The following INO80C variants were observed in gnomAD, a reference collection of about 807,000 sequenced individuals.
INO80C encodes IES6 homolog.
A neutral mutation model predicts 17.7 loss-of-function variants in INO80C; 17 were observed. The observed-to-expected ratio is 0.96, with a 90% CI of 0.66 to 1.44. The LOEUF is 1.44. Ranked by LOEUF, INO80C falls within the 40% of genes most tolerant of loss-of-function variation. The pLI is 0.00. For missense variants in INO80C, 244 were observed against 245.0 expected, an observed-to-expected ratio of 1.00 and a Z score of 0.03; for synonymous variants, 96 against 95.8, an observed-to-expected ratio of 1.00 and a Z score of -0.01.
chr18:35,468,451 A>C lies in INO80C; in HGVS notation c.*160T>G. The C allele has an allele frequency of 2.4e-6, 3 of 1,245,310 alleles. No individual in the cohort carries two copies. The South Asian group carries it at 5.6e-5, about 23-fold the overall frequency. The allele number at this position is 1,245,310 out of a possible 1,614,324, so 77.1% of individuals were successfully genotyped here. ...CACTTGGAGGGAAAACACACACTAA[A>C]AAAAAAAAAAACCCTTAAATTAAAG... is the stretch of plus-strand genomic sequence containing the variant. On this transcript the variant is annotated 3_prime_UTR_variant, in exon 5 of 5. Transcript: ENST00000334598.
intron 4 of INO80C, among the ~76,000 whole-genome samples, chr18:35,475,422 C>T (rs984210700): frequency 6.6e-6 from 1 of 152,196 alleles, no homozygotes; most frequent in African/African-American, 2.4e-5. Flanking sequence ...AATCCCAGCA[C>T]TTTGGGAGAC....
At chr18:35,486,416 T>C (rs759871215) in intron 1 of INO80C, among the ~76,000 whole-genome samples, 1 of 152,178 alleles carries the variant, frequency 6.6e-6, no homozygotes, top group Non-Finnish European at 1.5e-5. Context: ...AACAGGAATA[T>C]CCTAAAATTA....
intron 4 of INO80C, among the ~76,000 whole-genome samples, chr18:35,471,091 T>G (rs1382404728): frequency 2.0e-5 from 3 of 152,232 alleles, no homozygotes; most frequent in Non-Finnish European, 4.4e-5. Flanking sequence ...AAGAGTCACA[T>G]GGCTGGCTAG....
chr18:35,495,211 T>A (rs564731161), intron 1 of INO80C, among the ~76,000 whole-genome samples: 1 of 152,346 alleles, frequency 6.6e-6, no homozygotes, highest in South Asian at 2.1e-4. Flanking sequence ...GGCAGATTGC[T>A]TGACCCCAGG....
intron 1 of INO80C, among the ~76,000 whole-genome samples, chr18:35,485,515 C>G (rs894386977): frequency 3.9e-5 from 6 of 152,040 alleles, no homozygotes; most frequent in Non-Finnish European, 7.4e-5. Context: ...AGTGCACACT[C>G]ACTAGGATGG....
chr18:35,474,160 C>CATAT (rs34417349), intron 4 of INO80C, among the ~76,000 whole-genome samples: 60 of 101,852 alleles, frequency 5.9e-4, no homozygotes, highest in African/African-American at 2.1e-3. Flanking sequence ...TTAAAATATA[C>CATAT]ATATATATAT....
In INO80C at chr18:35,475,584, C is replaced by T. The variant is rs546976035; in HGVS notation, c.447+2698G>A. ...ACTTGGGAGGCTGAGGTAGATGCATCACCTGAGCCTGGGAGGTCAAGACGG... is the reference window on the plus strand; with the variant it reads ...ACTTGGGAGGCTGAGGTAGATGCATTACCTGAGCCTGGGAGGTCAAGACGG... On this transcript the variant is annotated intron_variant, in intron 4 of 4. Transcript: ENST00000334598. Among the ~76,000 whole-genome samples, 15 of 152,058 alleles carry T rather than the reference C, an allele frequency of 9.9e-5. No homozygotes were observed. The East Asian group carries it at 2.9e-3, about 29-fold the overall frequency.
intron 1 of INO80C, among the ~76,000 whole-genome samples, chr18:35,488,129 G>A (rs1012467246): frequency 6.6e-6 from 1 of 152,208 alleles, no homozygotes. Flanking sequence ...GGCGTTGAGT[G>A]TCTGTGTCTT....
At chr18:35,471,336 T>C (rs541425473) in intron 4 of INO80C, among the ~76,000 whole-genome samples, 4 of 152,238 alleles carry the variant, frequency 2.6e-5, no homozygotes, top group East Asian at 3.8e-4. Flanking sequence ...TCTACCCCTA[T>C]ACACATATGT....
At position 35,468,646 on chromosome 18, in the gene INO80C, G is replaced by C. The variant is rs1378207226; in HGVS notation, c.544C>G (p.Leu182Val). 3 of 1,614,082 alleles carry C rather than the reference G, an allele frequency of 1.9e-6. No individual in the cohort carries two copies. Among genetic ancestry groups the C allele is most frequent in the Non-Finnish European group, 2.5e-6 (3 of 1,179,986 alleles). Residue 182 changes from leucine to valine, a missense_variant, in exon 5 of 5, where the codon CTG becomes GTG. By Grantham distance (32) the Leu-to-Val change is conservative. Coordinates refer to ENST00000334598, the MANE Select transcript of INO80C (RefSeq NM_194281.4). ...ATGCTCGTGGCCTTCCTCAGGGCCA[G>C]GTAGCCGGTGACGACGTCAGAGGGC... Reference protein sequence around the residue: ...RLPSDVVTGYLALRKATSIVP With the variant: ...RLPSDVVTGYVALRKATSIVP
chr18:35,468,880 T>G (rs532601425), intron 4 of INO80C, 138 bp from the exon 5 acceptor site: 1 of 753,934 alleles, frequency 1.3e-6, no homozygotes, highest in African/African-American at 1.8e-5. Context: ...CCAAGAACAC[T>G]AAATCACTCA....
chr18:35,468,942 T>G (rs1275653745), intron 4 of INO80C, among the ~76,000 whole-genome samples, 200 bp from the exon 5 acceptor site: 1 of 152,074 alleles, frequency 6.6e-6, no homozygotes, highest in East Asian at 1.9e-4. Flanking sequence ...CTTCAGGGTA[T>G]GGACGAGAGG....
At chr18:35,497,578 AC>A in intron 1 of INO80C, 140 bp downstream of exon 1, 1 of 1,424,128 alleles carries the variant, frequency 7.0e-7, no homozygotes, top group Non-Finnish European at 9.2e-7. Context: ...GTAGTCATTC[AC>A]TCCGCGGGGC....
rs146217864 is a variant in INO80C at position 35,478,985 on chromosome 18, A to G, written c.379+315T>C. The G allele has an allele frequency of 2.0e-4, 46 of 233,068 alleles. No individual in the cohort carries two copies. The East Asian group carries it at 4.8e-3, about 24-fold the overall frequency. 14.4% of individuals were successfully genotyped at this position (233,068 alleles called of 1,614,324 possible). ...CTAAATCTGGTATTATACTTGGGCT[A>G]CCTTGTTTTTGGAAACACATTTTAA... On this transcript the variant is annotated intron_variant, in intron 3 of 4. Coordinates refer to ENST00000334598, the MANE Select transcript of INO80C (RefSeq NM_194281.4).
chr18:35,480,950 G>A (rs1322344082), intron 1 of INO80C, among the ~76,000 whole-genome samples: 1 of 152,260 alleles, frequency 6.6e-6, no homozygotes, highest in African/African-American at 2.4e-5. Context: ...TAGTGATTGA[G>A]TTTTGGATTC....
chr18:35,497,867 G>A lies in INO80C; in HGVS notation c.8C>T (p.Ala3Val). 3.2e-6 allele frequency: 5 copies of A among 1,569,120 alleles called. No homozygotes were observed. The highest frequency in any genetic ancestry group is 1.1e-5 in the South Asian group (1 of 87,882). ...AGTGGTGGCCACAATTGGAATTTGC[G>A]CCGCCATCGCACTCCGAGTCTTCCC... is the stretch of plus-strand genomic sequence containing the variant. MA[A>V]QIPIVATTST... The change falls in exon 1 of 5, where the codon GCG becomes GTG. Residue 3 changes from alanine to valine, a missense_variant. By Grantham distance (64) the Ala-to-Val change is moderately conservative. Transcript: ENST00000334598.
In INO80C at chr18:35,468,968, A is replaced by G. The variant is rs181090197; in HGVS notation, c.448-226T>C. 5.0e-3 allele frequency among the ~76,000 whole-genome samples: 755 copies of G among 152,272 alleles called. 11 individuals are homozygous for G. The highest frequency in any genetic ancestry group is 0.017 in the African/African-American group (708 of 41,552). Reference sequence around the variant, plus strand: ...GGACGAGAGGAAGGGGAATGACCACATCAGACTCTGGGACTCTTCTTGTTG... The same window carrying G: ...GGACGAGAGGAAGGGGAATGACCACGTCAGACTCTGGGACTCTTCTTGTTG... On this transcript the variant is annotated intron_variant, in intron 4 of 4. Coordinates refer to ENST00000334598, the MANE Select transcript of INO80C (RefSeq NM_194281.4).
At chr18:35,497,180 C>T (rs2144100774) in intron 1 of INO80C, 1 of 206,376 alleles carries the variant, frequency 4.8e-6, no homozygotes, top group East Asian at 1.9e-4. Flanking sequence ...AGCTCAGTGC[C>T]TTTACACTCA....
chr18:35,494,262 G>A (rs1298844763), intron 1 of INO80C, among the ~76,000 whole-genome samples: 5 of 152,160 alleles, frequency 3.3e-5, no homozygotes, highest in Non-Finnish European at 7.3e-5. Context: ...CTGCTACCTT[G>A]CAAGTACTCT....
Sources: gnomAD v4.1 joint callset for allele counts (sites outside exome capture counted in the v4.1 genomes callset) on GRCh38, gnomAD v4.1.1 for gene constraint, MANE v1.5 for transcripts, NCBI Gene and HGNC (gene_info 2026-07-23, HGNC 2026-07-21) for gene names.